The following ADAMTS19 variants were observed in gnomAD, a reference collection of about 807,000 sequenced individuals.
ADAMTS19 encodes the protein A disintegrin and metalloproteinase with thrombospondin motifs 19.
Under a neutral mutation model 153.3 loss-of-function variants are expected in ADAMTS19, and 93 were observed. The ratio of observed to expected loss-of-function variants is 0.61; its 90% CI spans 0.51 to 0.72. The LOEUF (loss-of-function observed/expected upper bound fraction) is 0.72. Ranked by LOEUF, ADAMTS19 falls within the 30% of genes least tolerant of loss-of-function variation. The pLI, the probability that ADAMTS19 is intolerant of heterozygous loss-of-function variation, is 0.00. For synonymous variants in ADAMTS19, 600 were observed against 556.6 expected (o/e 1.08, Z -1.10); for missense variants, 1,482 against 1,552.1 (o/e 0.95, Z 0.76).
At chr5:129,733,986 T>C (rs1370238790) in intron 21 of ADAMTS19, among the ~76,000 whole-genome samples, 1 of 104,936 alleles carries the variant, frequency 9.5e-6, no homozygotes, top group Admixed American at 1.0e-4. Context: ...TGTGTGTGTG[T>C]GTGTAATAAT....
chr5:129,681,525 ATAT>A (rs1411297761), intron 17 of ADAMTS19, among the ~76,000 whole-genome samples: 4 of 152,142 alleles, frequency 2.6e-5, no homozygotes, highest in African/African-American at 7.2e-5. Context: ...TGTGTAATAT[ATAT>A]TATTATTACT....
intron 7 of ADAMTS19, among the ~76,000 whole-genome samples, chr5:129,563,437 A>G (rs1753593232): frequency 6.6e-6 from 1 of 152,106 alleles, no homozygotes; most frequent in African/African-American, 2.4e-5. Context: ...TTTCTAATTG[A>G]ATTGGTAGTG....
At chr5:129,655,589 G>C (rs1314204014) in intron 14 of ADAMTS19, among the ~76,000 whole-genome samples, 1 of 152,100 alleles carries the variant, frequency 6.6e-6, no homozygotes, top group Non-Finnish European at 1.5e-5. Flanking sequence ...ACACTCCTTT[G>C]AGAATTTGAT....
intron 8 of ADAMTS19, among the ~76,000 whole-genome samples, chr5:129,601,480 T>G (rs922903768): frequency 8.5e-5 from 13 of 152,298 alleles, no homozygotes; most frequent in African/African-American, 3.1e-4. Flanking sequence ...TAATTGTTAT[T>G]AGATTGCTGT....
chr5:129,705,584 C>A (rs150254774), intron 21 of ADAMTS19, among the ~76,000 whole-genome samples: 160 of 152,266 alleles, frequency 1.1e-3, no homozygotes, highest in African/African-American at 3.7e-3. Context: ...CAACATAAAT[C>A]GATCCCTAAC....
chr5:129,716,041 G>GA lies in ADAMTS19; in HGVS notation c.3312+11660dup, dbSNP rs112535601. On this transcript the variant is annotated intron_variant, in intron 21 of 22. Transcript: ENST00000274487. ...AGCAAGAGAGAAATCATGAGAAACA[G>GA]AAAAAAAAAAGTATTTTTAAAAATA... 2.2e-3 allele frequency among the ~76,000 whole-genome samples: 321 copies of GA among 147,524 alleles called. 5 individuals are homozygous for GA. The highest frequency in any genetic ancestry group is 0.016 in the South Asian group (74 of 4,672).
rs116578179 is a variant in ADAMTS19 at position 129,627,258 on chromosome 5, A to G, written c.1770+4910A>G. Among the ~76,000 whole-genome samples the G allele has an allele frequency of 4.8e-3, 729 of 152,192 alleles. 8 individuals carry two copies. The highest frequency in any genetic ancestry group is 0.016 in the African/African-American group (677 of 41,556). ...GGAAAATGAGGAGAAAGAAGAAATA[A>G]AATGCCGAAGTATATTGAGGTAGGA... On this transcript the variant is annotated intron_variant, in intron 10 of 22. Coordinates refer to ENST00000274487, the MANE Select transcript of ADAMTS19 (RefSeq NM_133638.6).
intron 7 of ADAMTS19, among the ~76,000 whole-genome samples, chr5:129,553,855 C>G (rs1581078138): frequency 1.3e-5 from 2 of 152,160 alleles, no homozygotes; most frequent in East Asian, 3.8e-4. Context: ...TCTTGTCACA[C>G]TACCTATGCC....
intron 2 of ADAMTS19, among the ~76,000 whole-genome samples, chr5:129,496,899 C>A (rs146093137): frequency 3.3e-5 from 5 of 152,164 alleles, no homozygotes; most frequent in African/African-American, 1.2e-4. Context: ...GATTTAAATT[C>A]TTCTCTTAAC....
intron 14 of ADAMTS19, among the ~76,000 whole-genome samples, chr5:129,656,995 T>G (rs1196158653): frequency 6.6e-6 from 1 of 152,244 alleles, no homozygotes; most frequent in African/African-American, 2.4e-5. Context: ...GGAAAGACTT[T>G]TCTTCTCAAT....
chr5:129,575,777 T>G (rs66571432), intron 7 of ADAMTS19, among the ~76,000 whole-genome samples: 1 of 152,000 alleles, frequency 6.6e-6, no homozygotes, highest in Non-Finnish European at 1.5e-5. Flanking sequence ...GAAATCTAAA[T>G]TAAAAATTTC....
intron 8 of ADAMTS19, among the ~76,000 whole-genome samples, chr5:129,612,606 G>A (rs1227003826): frequency 1.3e-5 from 2 of 152,138 alleles, no homozygotes; most frequent in South Asian, 4.2e-4. Flanking sequence ...AAAGAACATC[G>A]ATGCTAGGAA....
chr5:129,534,800 T>A (rs1322905772), intron 6 of ADAMTS19, among the ~76,000 whole-genome samples: 1 of 152,110 alleles, frequency 6.6e-6, no homozygotes, highest in Non-Finnish European at 1.5e-5. Context: ...ATCCAGCATA[T>A]AAACAGAACC....
At chr5:129,592,377 CAA>C (rs1169388973) in intron 7 of ADAMTS19, among the ~76,000 whole-genome samples, 91 of 79,566 alleles carry the variant, frequency 1.1e-3, no homozygotes, top group Middle Eastern at 0.011. Flanking sequence ...GTCTCCGTTT[CAA>C]AAAAAAAAAA....
chr5:129,609,385 A>T (rs531834872), intron 8 of ADAMTS19, among the ~76,000 whole-genome samples: 17 of 152,334 alleles, frequency 1.1e-4, no homozygotes, highest in Non-Finnish European at 1.3e-4. Flanking sequence ...TTGGCACAAA[A>T]TACAGAGTGA....
At chr5:129,702,938 AAAAATATATATATATAT>A (rs1483220778) in intron 20 of ADAMTS19, among the ~76,000 whole-genome samples, 1 of 25,734 alleles carries the variant, frequency 3.9e-5, no homozygotes, top group African/African-American at 8.6e-5. Context: ...CCAAAAAAAA[AAAAATATATATATATAT>A]ATATATATAT....
chr5:129,717,233 A>G (rs950825661), intron 21 of ADAMTS19, among the ~76,000 whole-genome samples: 11 of 152,188 alleles, frequency 7.2e-5, no homozygotes, highest in African/African-American at 2.4e-4. Context: ...CAACCAGAAC[A>G]TTGTACTATA....
chr5:129,575,959 A>T (rs1196267312), intron 7 of ADAMTS19, among the ~76,000 whole-genome samples: 1 of 152,016 alleles, frequency 6.6e-6, no homozygotes, highest in East Asian at 1.9e-4. Context: ...ATAAATCTGG[A>T]ACAGGAGCAC....
intron 7 of ADAMTS19, among the ~76,000 whole-genome samples, chr5:129,554,892 A>G (rs1487489101): frequency 6.6e-6 from 1 of 152,174 alleles, no homozygotes; most frequent in African/African-American, 2.4e-5. Context: ...ATGAGCATAT[A>G]TATAGCTTAT....
Sources: allele counts gnomAD v4.1 joint callset (sites outside exome capture counted in the v4.1 genomes callset), GRCh38; gene constraint gnomAD v4.1.1; transcripts MANE v1.5; gene names NCBI Gene and HGNC (gene_info 2026-07-23, HGNC 2026-07-21).